The following GTF2I variants were observed in gnomAD, a reference collection of about 807,000 sequenced individuals.
The protein encoded by GTF2I is general transcription factor II-I.
GTF2I carries 12 observed loss-of-function variants against 67.6 expected under a neutral mutation model. The observed-to-expected ratio is 0.18, with a 90% CI of 0.11 to 0.29. GTF2I has a LOEUF of 0.29. Ranked by LOEUF, GTF2I falls within the 10% of genes least tolerant of loss-of-function variation. The pLI is 1.00. For missense variants in GTF2I, 271 were observed against 580.1 expected, an observed-to-expected ratio of 0.47 and a Z score of 5.47; for synonymous variants, 149 against 197.0, an observed-to-expected ratio of 0.76 and a Z score of 2.04.
chr7:74,727,147 T>C (rs1554405872), intron 12 of GTF2I: 1 of 152,240 alleles, frequency 6.6e-6, no homozygotes, highest in East Asian at 1.9e-4. Context: ...AAAATGAATT[T>C]GTCTGATGTT....
chr7:74,718,290 C>T (rs1792512622), intron 11 of GTF2I, among the ~76,000 whole-genome samples: 1 of 152,164 alleles, frequency 6.6e-6, no homozygotes. Context: ...AATGAAAATA[C>T]TCTATAAGCT....
intron 1 of GTF2I, among the ~76,000 whole-genome samples, chr7:74,684,472 C>T (rs1278817074): frequency 3.9e-5 from 6 of 152,274 alleles, no homozygotes; most frequent in African/African-American, 1.4e-4. Context: ...CTCTGGTGTT[C>T]ATTGTTTAAT....
Position 74,699,023 on chromosome 7 carries a change from C to G in GTF2I, c.301C>G (p.Arg101Gly), listed in dbSNP as rs782003787. 6.5e-7 allele frequency: 1 copy of G among 1,543,976 alleles called. No homozygotes were observed. The highest frequency in any genetic ancestry group is 2.4e-5 in the East Asian group (1 of 42,500). ...AATGAAATCTACAACCCAGGCAAAT[C>G]GGATGAGTGTAGATGCTGTAGAAAT... Reference protein sequence around the residue: ...HKMKSTTQANRMSVDAVEIET... With the variant: ...HKMKSTTQANGMSVDAVEIET... The change falls in exon 4 of 35, where the codon CGG becomes GGG. Residue 101 changes from arginine (R) to glycine (G), a missense_variant. Arg to Gly is a moderately radical substitution (Grantham distance 125). Transcript: ENST00000573035.
At chr7:74,710,540 C>G (rs1463885592) in intron 8 of GTF2I, among the ~76,000 whole-genome samples, 1 of 152,094 alleles carries the variant, frequency 6.6e-6, no homozygotes, top group Non-Finnish European at 1.5e-5. Flanking sequence ...GTGGGCAAAG[C>G]TTTATGCAGA....
chr7:74,700,083 C>T, intron 4 of GTF2I, 164 bp from the exon 5 acceptor site: 1 of 706,644 alleles, frequency 1.4e-6, no homozygotes, highest in Non-Finnish European at 2.3e-6. Context: ...AGGTTTAGAC[C>T]TTCTGCTGAC....
At chr7:74,693,033 A>G (rs1243394258) in intron 3 of GTF2I, among the ~76,000 whole-genome samples, 4 of 151,496 alleles carry the variant, frequency 2.6e-5, no homozygotes, top group African/African-American at 9.7e-5. Context: ...AAGTGCTGGG[A>G]TTACAGGCAT....
rs1207495571 is a variant in GTF2I at position 74,677,089 on chromosome 7, G to GA, written c.-5-12029dup. 3.3e-5 allele frequency among the ~76,000 whole-genome samples: 5 copies of GA among 151,914 alleles called. No homozygotes were observed. The East Asian group carries it at 7.7e-4, about 24-fold the overall frequency. On this transcript the variant is annotated intron_variant, in intron 1 of 34. Coordinates refer to ENST00000573035, the MANE Select transcript of GTF2I (RefSeq NM_032999.4). ...CAAAACAAAAACAAAACAAAAAACC[G>GA]AAAAAACCCCAACAGTTTCAGAGAT...
At chr7:74,721,607 G>A (rs1049265191) in intron 12 of GTF2I, among the ~76,000 whole-genome samples, 3 of 151,634 alleles carry the variant, frequency 2.0e-5, no homozygotes, top group African/African-American at 7.3e-5. Context: ...TTTTTAAGAA[G>A]ATAAAAAACT....
chr7:74,717,054 G>A, intron 11 of GTF2I, 104 bp downstream of exon 11: 1 of 1,455,592 alleles, frequency 6.9e-7, no homozygotes, highest in South Asian at 1.3e-5. Context: ...AATAAAAGGT[G>A]ATTCCCTTGG....
At chr7:74,701,024 T>A (rs2131341667) in intron 6 of GTF2I, among the ~76,000 whole-genome samples, 1 of 152,306 alleles carries the variant, frequency 6.6e-6, no homozygotes, top group African/African-American at 2.4e-5. Flanking sequence ...GAGAGAAAAT[T>A]CTGTAAAATG....
intron 6 of GTF2I, among the ~76,000 whole-genome samples, chr7:74,701,148 G>A (rs765243883): frequency 2.6e-5 from 4 of 152,166 alleles, no homozygotes; most frequent in Non-Finnish European, 2.9e-5. Flanking sequence ...GAGGAAGAGA[G>A]CATTTCCAGG....
intron 14 of GTF2I, among the ~76,000 whole-genome samples, chr7:74,730,790 T>G (rs1271850337): frequency 1.8e-5 from 2 of 112,752 alleles, no homozygotes; most frequent in Admixed American, 2.7e-4. Flanking sequence ...CATTGCAACC[T>G]CCGCCTCCCG....
chr7:74,722,720 A>C (rs935238414), intron 12 of GTF2I: 2 of 152,232 alleles, frequency 1.3e-5, no homozygotes, highest in South Asian at 4.1e-4. Context: ...ATAATTTCAA[A>C]TATAATTGAC....
At chr7:74,703,385 T>G (rs980028355) in intron 6 of GTF2I, among the ~76,000 whole-genome samples, 3 of 152,064 alleles carry the variant, frequency 2.0e-5, no homozygotes, top group Non-Finnish European at 4.4e-5. Flanking sequence ...TGTTAACTTG[T>G]GCTTTTTTTT....
chr7:74,691,164 T>C, intron 3 of GTF2I, 53 bp downstream of exon 3: 1 of 1,285,034 alleles, frequency 7.8e-7, no homozygotes, highest in Non-Finnish European at 1.1e-6. Context: ...GCCTAAATAT[T>C]TGTAGGTAAG....
At chr7:74,703,435 G>A (rs988612173) in intron 6 of GTF2I, among the ~76,000 whole-genome samples, 22 of 148,076 alleles carry the variant, frequency 1.5e-4, no homozygotes, top group African/African-American at 5.0e-4. Context: ...GCTGGAGTGC[G>A]GTGGCATGAT....
chr7:74,702,795 G>A (rs948446101), intron 6 of GTF2I, among the ~76,000 whole-genome samples: 5 of 149,616 alleles, frequency 3.3e-5, no homozygotes, highest in African/African-American at 1.2e-4. Flanking sequence ...GTGTAGTGGC[G>A]CCATCTCAGC....
chr7:74,702,280 T>G (rs587597845), intron 6 of GTF2I, among the ~76,000 whole-genome samples: 1 of 151,792 alleles, frequency 6.6e-6, no homozygotes, highest in Non-Finnish European at 1.5e-5. Context: ...CAAGTTGGAG[T>G]GCAGTGGCAT....
In GTF2I at chr7:74,700,309, T is replaced by C. The variant is rs782228824; in HGVS notation, c.436T>C (p.Ser146Pro). The C allele has an allele frequency of 3.4e-5, 55 of 1,614,034 alleles. No individual in the cohort carries two copies. In the Admixed American group the frequency reaches 8.8e-4, roughly 26 times the overall value. ...ATATGAGAAGATGCTGCGAGACCAG[T>C]CGGCTGTGGTAGTGCAGGGGCTTCC... The part of the protein sequence containing the change: ...VPYEKMLRDQ[S>P]AVVVQGLPEG... Residue 146 changes from serine to proline, a missense_variant, in exon 5 of 35, where the codon TCG becomes CCG. Physicochemically the swap from Ser to Pro is moderately conservative, Grantham distance 74. Transcript: ENST00000573035.
Sources: allele counts gnomAD v4.1 joint callset (sites outside exome capture counted in the v4.1 genomes callset), GRCh38; gene constraint gnomAD v4.1.1; transcripts MANE v1.5; gene names NCBI Gene and HGNC (gene_info 2026-07-23, HGNC 2026-07-21).